The following STEAP3 variants were observed in gnomAD, a reference collection of about 807,000 sequenced individuals.
STEAP3 encodes the protein STEAP3 metalloreductase, also known as metalloreductase STEAP3.
STEAP3 carries 35 observed loss-of-function variants against 34.9 expected under a neutral mutation model. The observed-to-expected ratio is 1.00, with a 90% CI of 0.76 to 1.33. STEAP3 has a LOEUF of 1.33. STEAP3 is among the 40% of genes most tolerant of loss of function. STEAP3 has a pLI of 0.00. For missense variants in STEAP3, 652 were observed against 667.6 expected, an observed-to-expected ratio of 0.98 and a Z score of 0.26; for synonymous variants, 281 against 301.6, an observed-to-expected ratio of 0.93 and a Z score of 0.71.
chr2:119,253,826 G>A (rs1410466410), intron 4 of STEAP3, among the ~76,000 whole-genome samples: 1 of 152,068 alleles, frequency 6.6e-6, no homozygotes, highest in Non-Finnish European at 1.5e-5. Flanking sequence ...AACTTGGTGG[G>A]GGGGCCCAGA....
At chr2:119,257,336 C>G (rs1677802425) in intron 5 of STEAP3, 1 of 1,285,738 alleles carries the variant, frequency 7.8e-7, no homozygotes, top group Non-Finnish European at 1.0e-6. Context: ...AGCCAGAGCC[C>G]TCTTGGAGAA....
intron 1 of STEAP3, among the ~76,000 whole-genome samples, chr2:119,225,971 A>G (rs141795628): frequency 7.5e-4 from 114 of 152,374 alleles, no homozygotes; most frequent in African/African-American, 2.5e-3. Flanking sequence ...CGAGTTAACC[A>G]GTGAGGGGCC....
At chr2:119,261,657 G>A (rs755489690) in intron 5 of STEAP3, among the ~76,000 whole-genome samples, 8 of 152,170 alleles carry the variant, frequency 5.3e-5, no homozygotes, top group Non-Finnish European at 1.2e-4. Flanking sequence ...CACTGAAGTT[G>A]ATTAAGTCGC....
chr2:119,226,468 C>T (rs1679042489), intron 1 of STEAP3, among the ~76,000 whole-genome samples: 1 of 152,158 alleles, frequency 6.6e-6, no homozygotes, highest in South Asian at 2.1e-4. Context: ...GCCTTTCCTC[C>T]CTCTAGGAGT....
chr2:119,263,298 C>T lies in STEAP3; in HGVS notation c.1457C>T (p.Pro486Leu), dbSNP rs745497289. The T allele has an allele frequency of 4.3e-6, 7 of 1,613,736 alleles. No individual in the cohort carries two copies. The African/African-American group carries it at 8.0e-5, about 18-fold the overall frequency. Reference sequence around the variant, plus strand: ...GAGAGCACCATCAAGTTCACGCTGCCCACAGACCACGCCCTGGCCGAGAAG... The same window carrying T: ...GAGAGCACCATCAAGTTCACGCTGCTCACAGACCACGCCCTGGCCGAGAAG... ...ERESTIKFTL[P>L]TDHALAEKTS... The change falls in exon 6 of 6, where the codon CCC becomes CTC. Residue 486 changes from proline (P) to leucine (L), a missense_variant. Pro to Leu is a moderately conservative substitution (Grantham distance 98, BLOSUM62 -3). Coordinates refer to ENST00000393110, the MANE Select transcript of STEAP3 (RefSeq NM_182915.3).
At chr2:119,257,706 C>A in intron 5 of STEAP3, 1 of 1,402,120 alleles carries the variant, frequency 7.1e-7, no homozygotes, top group Non-Finnish European at 9.3e-7. Flanking sequence ...GCAACCTTCT[C>A]CTTTAAAGTT....
intron 2 of STEAP3, among the ~76,000 whole-genome samples, chr2:119,240,801 C>T (rs1401858653): frequency 6.6e-6 from 1 of 152,206 alleles, no homozygotes; most frequent in African/African-American, 2.4e-5. Flanking sequence ...ATCCCATCTG[C>T]TCCCTCTCCA....
chr2:119,262,138 G>A (rs976001281), intron 5 of STEAP3, among the ~76,000 whole-genome samples: 4 of 152,112 alleles, frequency 2.6e-5, no homozygotes, highest in East Asian at 1.9e-4. Flanking sequence ...AGTCCCCTTC[G>A]CTACTGGTGC....
chr2:119,242,091 G>A (rs891855607), intron 2 of STEAP3, among the ~76,000 whole-genome samples: 6 of 152,164 alleles, frequency 3.9e-5, no homozygotes, highest in Non-Finnish European at 7.3e-5. Flanking sequence ...TAGATTGTAA[G>A]CCCTCAGGGT....
chr2:119,254,670 TC>T lies in STEAP3; in HGVS notation c.1051-12del. ...TTGCCACAGTGTTCATGGTTTTCCT[TC>T]CATCCATGTCAGGTCTTGGCCAACA... On this transcript the variant is annotated splice_polypyrimidine_tract_variant and intron_variant, in intron 4 of 5. Coordinates refer to ENST00000393110, the MANE Select transcript of STEAP3 (RefSeq NM_182915.3). 2.5e-6 allele frequency: 4 copies of T among 1,613,974 alleles called. No homozygotes were observed. Among genetic ancestry groups the T allele is most frequent in the African/African-American group, 1.3e-5 (1 of 75,024 alleles).
At chr2:119,224,001 C>G (rs1221521652) in intron 1 of STEAP3, 113 bp downstream of exon 1, 1 of 152,254 alleles carries the variant, frequency 6.6e-6, no homozygotes, top group Non-Finnish European at 1.5e-5. Flanking sequence ...TGCCGCCACA[C>G]GTCTGGAGGC....
Position 119,233,488 on chromosome 2 carries a change from A to C in STEAP3, c.22+2454A>C, listed in dbSNP as rs181343500. 2.7e-3 allele frequency among the ~76,000 whole-genome samples: 406 copies of C among 152,298 alleles called. 9 individuals are homozygous for C. Among genetic ancestry groups the C allele is most frequent in the Admixed American group, 0.022 (339 of 15,300 alleles). On this transcript the variant is annotated intron_variant, in intron 2 of 5. Transcript: ENST00000393110. ...ATTTCATCACCACTGAGTACAAGAG[A>C]GCCCCAGCTAGGTTCTGGGGAGAAC...
At chr2:119,254,225 C>G (rs940441316) in intron 4 of STEAP3, among the ~76,000 whole-genome samples, 26 of 152,050 alleles carry the variant, frequency 1.7e-4, no homozygotes, top group African/African-American at 6.3e-4. Context: ...GAGCTCCTCT[C>G]TCCTGTCCTG....
At chr2:119,253,062 CG>C (rs1361000602) in intron 4 of STEAP3, among the ~76,000 whole-genome samples, 1 of 152,154 alleles carries the variant, frequency 6.6e-6, no homozygotes, top group African/African-American at 2.4e-5. Flanking sequence ...GGCAGAGGTA[CG>C]GAGGAGACCT....
At chr2:119,242,730 T>A (rs979534243) in intron 2 of STEAP3, among the ~76,000 whole-genome samples, 1 of 152,200 alleles carries the variant, frequency 6.6e-6, no homozygotes, top group Non-Finnish European at 1.5e-5. Flanking sequence ...AACCTGCCCA[T>A]AAGGGAAGTG....
At chr2:119,243,252 A>G (rs1348845344) in intron 2 of STEAP3, among the ~76,000 whole-genome samples, 4 of 152,176 alleles carry the variant, frequency 2.6e-5, no homozygotes, top group Admixed American at 1.3e-4. Flanking sequence ...ACAGGAACAC[A>G]TGTCCCCTGA....
At position 119,232,180 on chromosome 2, in the gene STEAP3, C is replaced by T. The variant is rs1573539956; in HGVS notation, c.22+1146C>T. ...GCTGACTGGGTGACTGGCTGTTACT[C>T]ACATCCTGAGCAATGAGCCACAGAC... is the stretch of plus-strand genomic sequence containing the variant. On this transcript the variant is annotated intron_variant, in intron 2 of 5. Coordinates refer to ENST00000393110, the MANE Select transcript of STEAP3 (RefSeq NM_182915.3). Among the ~76,000 whole-genome samples the T allele has an allele frequency of 2.6e-5, 4 of 152,138 alleles. 1 individual carries two copies. Among genetic ancestry groups the T allele is most frequent in the Admixed American group, 2.6e-4 (4 of 15,272 alleles).
intron 4 of STEAP3, among the ~76,000 whole-genome samples, chr2:119,251,224 G>T (rs1677616278): frequency 6.6e-6 from 1 of 152,128 alleles, no homozygotes; most frequent in Admixed American, 6.5e-5. Context: ...TCACCACAGG[G>T]TCCCCACATG....
chr2:119,231,180 A>T (rs2104792267), intron 2 of STEAP3, 146 bp downstream of exon 2: 1 of 1,060,914 alleles, frequency 9.4e-7, no homozygotes, highest in Non-Finnish European at 1.4e-6. Flanking sequence ...CCTCCCAGAG[A>T]TCTGTACTGC....
Sources: allele counts gnomAD v4.1 joint callset (sites outside exome capture counted in the v4.1 genomes callset), GRCh38; gene constraint gnomAD v4.1.1; transcripts MANE v1.5; gene names NCBI Gene and HGNC (gene_info 2026-07-23, HGNC 2026-07-21).